TAFA2: variants seen among roughly 807,000 people sequenced by gnomAD.
TAFA2 encodes TAFA chemokine like family member 2, also known as chemokine-like protein TAFA-2.
In TAFA2, 7 loss-of-function variants were observed where a neutral mutation model predicts 18.8. That is an observed-to-expected ratio of 0.37 (90% CI 0.21 to 0.70). The LOEUF is 0.70. TAFA2 is among the 30% of genes least tolerant of loss of function. TAFA2 has a pLI of 0.53. For synonymous variants in TAFA2, 60 were observed against 54.2 expected (o/e 1.11, Z -0.47); for missense variants, 122 against 158.1 (o/e 0.77, Z 1.23).
intron 4 of TAFA2, among the ~76,000 whole-genome samples, chr12:61,717,720 C>T (rs1869723627): frequency 6.6e-6 from 1 of 152,146 alleles, no homozygotes; most frequent in Non-Finnish European, 1.5e-5. Context: ...AGTCTCCAGA[C>T]TTGGCATATA....
chr12:61,810,305 C>A (rs1871811994), intron 2 of TAFA2, among the ~76,000 whole-genome samples: 1 of 149,510 alleles, frequency 6.7e-6, no homozygotes, highest in African/African-American at 2.5e-5. Flanking sequence ...TTTAAGAAGG[C>A]TTAGCCATTA....
intron 2 of TAFA2, among the ~76,000 whole-genome samples, chr12:61,840,077 G>C (rs531788670): frequency 3.3e-5 from 5 of 152,106 alleles, no homozygotes; most frequent in Admixed American, 1.3e-4. Flanking sequence ...CCCACAAAAG[G>C]CCAAGGCTAG....
intron 1 of TAFA2, among the ~76,000 whole-genome samples, chr12:62,043,266 T>C (rs1268144716): frequency 6.6e-6 from 1 of 152,162 alleles, no homozygotes; most frequent in Non-Finnish European, 1.5e-5. Context: ...ATATACACCA[T>C]GGAATACTAT....
chr12:61,725,032 T>C (rs181939275), intron 4 of TAFA2, among the ~76,000 whole-genome samples: 2 of 152,150 alleles, frequency 1.3e-5, no homozygotes, highest in East Asian at 3.9e-4. Flanking sequence ...TTGATTTGCA[T>C]TTTCCTGATA....
intron 1 of TAFA2, among the ~76,000 whole-genome samples, chr12:62,028,713 C>T (rs1241207552): frequency 2.0e-5 from 3 of 152,162 alleles, no homozygotes; most frequent in African/African-American, 7.2e-5. Flanking sequence ...CCAGCAGTTG[C>T]AGAGTCGAAT....
chr12:61,966,335 G>T (rs999064766), intron 1 of TAFA2, among the ~76,000 whole-genome samples: 1 of 151,896 alleles, frequency 6.6e-6, no homozygotes, highest in Non-Finnish European at 1.5e-5. Flanking sequence ...CCCTGCTGCT[G>T]CATGTTCCAG....
At chr12:62,220,572 C>T (rs990631634) in intron 1 of TAFA2, among the ~76,000 whole-genome samples, 1 of 152,108 alleles carries the variant, frequency 6.6e-6, no homozygotes, top group Non-Finnish European at 1.5e-5. Context: ...AGGGTGGATC[C>T]TAATAATAAC....
chr12:62,098,844 A>C (rs1869063114), intron 1 of TAFA2, among the ~76,000 whole-genome samples: 1 of 152,214 alleles, frequency 6.6e-6, no homozygotes, highest in Non-Finnish European at 1.5e-5. Flanking sequence ...ACTTTCAGAG[A>C]TATTACTATG....
intron 2 of TAFA2, among the ~76,000 whole-genome samples, chr12:61,830,976 T>C (rs886556207): frequency 1.3e-5 from 2 of 152,082 alleles, no homozygotes; most frequent in Admixed American, 6.6e-5. Context: ...AATAAATACA[T>C]ATTTTTTCTA....
intron 1 of TAFA2, among the ~76,000 whole-genome samples, chr12:62,182,475 G>A (rs1161129754): frequency 3.3e-5 from 5 of 152,180 alleles, no homozygotes; most frequent in African/African-American, 1.2e-4. Flanking sequence ...GCTTTCTAAA[G>A]CCATGCAACT....
intron 1 of TAFA2, among the ~76,000 whole-genome samples, chr12:61,990,623 G>GCCACCA (rs758639564): frequency 6.0e-3 from 30 of 5,022 alleles, no homozygotes; most frequent in African/African-American, 0.011. Context: ...ACAGGCATGA[G>GCCACCA]CGCCCGGCCC....
At chr12:62,234,771 G>A in intron 1 of TAFA2, 4 of 1,076,738 alleles carry the variant, frequency 3.7e-6, no homozygotes, top group Admixed American at 1.7e-5. Flanking sequence ...TGCTGTCTGT[G>A]GAGCAGGTCT....
intron 2 of TAFA2, among the ~76,000 whole-genome samples, chr12:61,801,490 C>G (rs910540736): frequency 6.6e-6 from 1 of 151,850 alleles, no homozygotes; most frequent in African/African-American, 2.4e-5. Context: ...ACAAAAGCAC[C>G]AAGAACATAA....
intron 1 of TAFA2, among the ~76,000 whole-genome samples, chr12:62,133,310 T>C (rs1870762963): frequency 6.6e-6 from 1 of 151,972 alleles, no homozygotes; most frequent in African/African-American, 2.4e-5. Flanking sequence ...CAGTAATAAA[T>C]ATGGAACCCA....
intron 1 of TAFA2, among the ~76,000 whole-genome samples, chr12:61,910,099 TTTGTGTG>T (rs762277224): frequency 9.4e-5 from 8 of 85,482 alleles, no homozygotes; most frequent in East Asian, 3.9e-4. Flanking sequence ...TGTGTGTGTG[TTTGTGTG>T]TGTGTGTGTG....
chr12:61,715,267 C>A (rs959340754), intron 4 of TAFA2, among the ~76,000 whole-genome samples: 1 of 152,128 alleles, frequency 6.6e-6, no homozygotes, highest in African/African-American at 2.4e-5. Context: ...TAATAAAAGT[C>A]ACATATTAAA....
chr12:62,116,420 C>G lies in TAFA2; in HGVS notation c.-2+74839G>C, dbSNP rs17125897. On this transcript the variant is annotated intron_variant, in intron 1 of 4. Coordinates refer to ENST00000416284, the MANE Select transcript of TAFA2 (RefSeq NM_178539.5). The stretch of plus-strand genomic sequence containing the variant: ...CAGATGCTTCTAATTACAGGTGTTC[C>G]ATTGCCATTAAACTGCTCTCATGTG... Among the ~76,000 whole-genome samples the G allele has an allele frequency of 7.3e-3, 1,108 of 152,258 alleles. 17 individuals carry two copies. The highest frequency in any genetic ancestry group is 0.026 in the African/African-American group (1,075 of 41,546).
At chr12:61,794,561 A>T in intron 2 of TAFA2, among the ~76,000 whole-genome samples, 1 of 152,114 alleles carries the variant, frequency 6.6e-6, no homozygotes, top group East Asian at 1.9e-4. Context: ...TTCAAGGGTT[A>T]GAATACTTAA....
At chr12:62,102,787 A>C (rs1869267630) in intron 1 of TAFA2, among the ~76,000 whole-genome samples, 1 of 152,218 alleles carries the variant, frequency 6.6e-6, no homozygotes, top group South Asian at 2.1e-4. Context: ...TAGAGGAAAA[A>C]TAAGCTAGCA....
Sources: gnomAD v4.1 joint callset for allele counts (sites outside exome capture counted in the v4.1 genomes callset) on GRCh38, gnomAD v4.1.1 for gene constraint, MANE v1.5 for transcripts, NCBI Gene and HGNC (gene_info 2026-07-23, HGNC 2026-07-21) for gene names.